The following LRBA variants were observed in gnomAD, a reference collection of about 807,000 sequenced individuals.
The protein encoded by LRBA is LPS responsive beige-like anchor protein, also known as lipopolysaccharide-responsive and beige-like anchor protein.
Under a neutral mutation model 330.0 loss-of-function variants are expected in LRBA, and 176 were observed. The ratio of observed to expected loss-of-function variants is 0.53; its 90% CI spans 0.47 to 0.60. LRBA has a LOEUF of 0.60. Ranked by LOEUF, LRBA falls within the 20% of genes least tolerant of loss-of-function variation. The pLI is 0.00. For synonymous variants in LRBA, 1,230 were observed against 1,193.0 expected, an observed-to-expected ratio of 1.03 and a Z score of -0.64; for missense variants, 3,259 against 3,444.8, an observed-to-expected ratio of 0.95 and a Z score of 1.35.
intron 40 of LRBA, among the ~76,000 whole-genome samples, chr4:150,515,924 C>T (rs1255101632): frequency 9.2e-5 from 14 of 151,764 alleles, no homozygotes; most frequent in Admixed American, 9.2e-4. Context: ...ACAATCTGAA[C>T]ACCCAAAAAA....
At chr4:150,669,843 A>C (rs1345775900) in intron 37 of LRBA, among the ~76,000 whole-genome samples, 1 of 152,078 alleles carries the variant, frequency 6.6e-6, no homozygotes, top group Non-Finnish European at 1.5e-5. Context: ...TAGGATTATA[A>C]GCATAAGCAA....
chr4:150,916,555 C>T, intron 6 of LRBA, 28 bp from the exon 7 acceptor site: 1 of 1,608,874 alleles, frequency 6.2e-7, no homozygotes, highest in Non-Finnish European at 8.5e-7. Context: ...CATTTTACCT[C>T]TAAATATTCT....
intron 46 of LRBA, among the ~76,000 whole-genome samples, chr4:150,422,088 T>C (rs937371843): frequency 6.6e-6 from 1 of 151,906 alleles, no homozygotes; most frequent in South Asian, 2.1e-4. Context: ...CAAGACCCCA[T>C]CTCTACAAAA....
At chr4:150,912,820 T>C (rs927404881) in intron 9 of LRBA, among the ~76,000 whole-genome samples, 1 of 152,190 alleles carries the variant, frequency 6.6e-6, no homozygotes, top group Non-Finnish European at 1.5e-5. Context: ...TTTCTTTTGG[T>C]GATAATGATC....
chr4:150,386,995 T>A (rs932829192), intron 47 of LRBA, among the ~76,000 whole-genome samples: 2 of 152,236 alleles, frequency 1.3e-5, no homozygotes, highest in Non-Finnish European at 2.9e-5. Context: ...GTGGGTTTGA[T>A]TTGCATTTCT....
chr4:150,424,618 C>T lies in LRBA; in HGVS notation c.7042-9028G>A, dbSNP rs191101285. On this transcript the variant is annotated intron_variant, in intron 46 of 56. Transcript: ENST00000651943. ...TCCCATAGCAGGGAGCACGTGCGCG[C>T]GTGCACACACGCACACACACACACA... Among the ~76,000 whole-genome samples, 648 of 150,480 alleles carry T rather than the reference C, an allele frequency of 4.3e-3. 4 individuals are homozygous for T. The highest frequency in any genetic ancestry group is 0.015 in the African/African-American group (607 of 40,634).
At chr4:150,329,879 G>A (rs1055585074) in intron 48 of LRBA, among the ~76,000 whole-genome samples, 2 of 152,022 alleles carry the variant, frequency 1.3e-5, no homozygotes, top group African/African-American at 4.8e-5. Flanking sequence ...CAATCACTTC[G>A]AAGTTTATCA....
chr4:150,806,120 G>T, intron 33 of LRBA, 151 bp downstream of exon 33: 1 of 467,126 alleles, frequency 2.1e-6, no homozygotes, highest in East Asian at 3.7e-5. Flanking sequence ...TAATAGACAT[G>T]TGACACAGTC....
At chr4:150,353,958 C>G (rs1197793278) in intron 47 of LRBA, among the ~76,000 whole-genome samples, 4 of 152,048 alleles carry the variant, frequency 2.6e-5, no homozygotes, top group Non-Finnish European at 5.9e-5. Context: ...TAAGAGAATT[C>G]CAAGAAGTTT....
intron 40 of LRBA, among the ~76,000 whole-genome samples, chr4:150,571,918 C>T (rs375028674): frequency 6.6e-6 from 1 of 150,902 alleles, no homozygotes; most frequent in Non-Finnish European, 1.5e-5. Flanking sequence ...GGTCCTGGTA[C>T]GACCCAAACT....
intron 34 of LRBA, among the ~76,000 whole-genome samples, chr4:150,774,864 T>G (rs1737056162): frequency 6.6e-6 from 1 of 152,188 alleles, no homozygotes; most frequent in Non-Finnish European, 1.5e-5. Flanking sequence ...AGTTAGGTAT[T>G]TGTTCACTTG....
rs544280944 is a variant in LRBA at position 150,726,505 on chromosome 4, C to T, written c.5754+8753G>A. The stretch of plus-strand genomic sequence containing the variant: ...TTTTCACACTGCTATAAAGAACTAC[C>T]CAAGACTGGGTAATTTATAAAGGAA... On this transcript the variant is annotated intron_variant, in intron 36 of 56. Coordinates refer to ENST00000651943, the MANE Select transcript of LRBA (RefSeq NM_001364905.1). Among the ~76,000 whole-genome samples, 13 of 152,154 alleles carry T rather than the reference C, an allele frequency of 8.5e-5. No individual in the cohort carries two copies. The South Asian group carries it at 2.7e-3, about 32-fold the overall frequency.
chr4:150,644,388 T>G (rs1001967341), intron 37 of LRBA, among the ~76,000 whole-genome samples: 4 of 151,700 alleles, frequency 2.6e-5, no homozygotes, highest in African/African-American at 9.7e-5. Context: ...AGCAAGCTTC[T>G]GAGTGATTCT....
chr4:150,938,076 TAAAA>T (rs58730047), intron 2 of LRBA, among the ~76,000 whole-genome samples: 1 of 132,266 alleles, frequency 7.6e-6, no homozygotes, highest in Non-Finnish European at 1.6e-5. Flanking sequence ...TGGTATAGTT[TAAAA>T]AAAAAAAAAA....
intron 50 of LRBA, among the ~76,000 whole-genome samples, chr4:150,319,205 C>T (rs957988461): frequency 6.6e-6 from 1 of 152,106 alleles, no homozygotes; most frequent in Non-Finnish European, 1.5e-5. Context: ...CCAGCTCTTC[C>T]TAGGCTAAAG....
At chr4:150,792,846 C>T (rs887518728) in intron 34 of LRBA, among the ~76,000 whole-genome samples, 8 of 152,178 alleles carry the variant, frequency 5.3e-5, no homozygotes, top group African/African-American at 1.7e-4. Context: ...TTTGGGAGGC[C>T]TAGGCGGGCG....
At chr4:150,423,261 C>A in intron 46 of LRBA, 1 of 1,010,696 alleles carries the variant, frequency 9.9e-7, no homozygotes, top group Non-Finnish European at 1.5e-6. Context: ...GCAGCCGCCT[C>A]CCAGCATCTC....
At position 150,851,987 on chromosome 4, in the gene LRBA, A is replaced by T. The variant is rs1236900991; in HGVS notation, c.3723T>A (p.Ile1241=). ...SVSEASSEQK[I]AKLDVSNVAT... Reference sequence around the variant, plus strand: ...CAACATTGGAAACATCCAACTTCGCAATCTTTTGCTCAGAAGAAGCCTCAG... The same window carrying T: ...CAACATTGGAAACATCCAACTTCGCTATCTTTTGCTCAGAAGAAGCCTCAG... Residue 1241 remains isoleucine (I), a synonymous_variant, in exon 23 of 57, where the codon ATT becomes ATA. Transcript: ENST00000651943. 3 of 1,614,016 alleles carry T rather than the reference A, an allele frequency of 1.9e-6. No individual in the cohort carries two copies. The highest frequency in any genetic ancestry group is 1.7e-6 in the Non-Finnish European group (2 of 1,180,006).
intron 28 of LRBA, among the ~76,000 whole-genome samples, chr4:150,837,906 G>C (rs1407432185): frequency 1.3e-5 from 2 of 152,156 alleles, no homozygotes; most frequent in African/African-American, 4.8e-5. Context: ...TTACAATTTG[G>C]CATGTTTTTG....
Sources: gnomAD v4.1 joint callset for allele counts (sites outside exome capture counted in the v4.1 genomes callset) on GRCh38, gnomAD v4.1.1 for gene constraint, MANE v1.5 for transcripts, NCBI Gene and HGNC (gene_info 2026-07-23, HGNC 2026-07-21) for gene names.